The following PHACTR2 variants were observed in gnomAD, a reference collection of about 807,000 sequenced individuals.
PHACTR2 encodes phosphatase and actin regulator 2, also known as chromosome 6 open reading frame 56.
Under a neutral mutation model 76.0 loss-of-function variants are expected in PHACTR2, and 30 were observed. That is an observed-to-expected ratio of 0.39 (90% confidence interval 0.30 to 0.54). PHACTR2 has a LOEUF of 0.54. PHACTR2 is among the 20% of genes least tolerant of loss of function. The probability of loss-of-function intolerance (pLI) is 0.61; values close to 1 mark genes in which losing one functional copy is unlikely to be tolerated. For missense variants in PHACTR2, 696 were observed against 781.1 expected (o/e 0.89, Z 1.30); for synonymous variants, 292 against 292.5 (o/e 1.00, Z 0.02).
rs928673000 is a variant in PHACTR2 at position 143,819,585 on chromosome 6, G to A, written c.1923-4089G>A. 2.0e-5 allele frequency among the ~76,000 whole-genome samples: 3 copies of A among 152,212 alleles called. No homozygotes were observed. The highest frequency in any genetic ancestry group is 4.4e-5 in the Non-Finnish European group (3 of 68,042). ...GCTGGAGGCCTGAGAGCTCGAGGCA[G>A]TGGGGAGTACTGGTGTAAGTTCTGG... On this transcript the variant is annotated intron_variant, in intron 12 of 12. Coordinates refer to ENST00000440869, the MANE Select transcript of PHACTR2 (RefSeq NM_001100164.2). This position sits in a 1 kb window ranked among gnomAD's most constrained non-coding sequence, Gnocchi z 5.0.
At chr6:143,668,421 A>G (rs747420439) in intron 1 of PHACTR2, among the ~76,000 whole-genome samples, 4 of 151,784 alleles carry the variant, frequency 2.6e-5, no homozygotes, top group South Asian at 2.1e-4. Context: ...CTCTTTTTCT[A>G]TTGTTTGGAA....
rs898093670 is a variant in PHACTR2, at chr6:143,617,352, G to C, written c.13+9030G>C. ...CTTCCCTTCCCAACCAGATTTAAAA[G>C]TCTTGAGGGCAGATGCCACATCATA... On this transcript the variant is annotated intron_variant, in intron 1 of 11. Transcript: ENST00000305766. This position sits in a 1 kb window ranked among gnomAD's most constrained non-coding sequence, Gnocchi z 4.8. Among the ~76,000 whole-genome samples, 5 of 152,154 alleles carry C rather than the reference G, an allele frequency of 3.3e-5. No individual in the cohort carries two copies. Among genetic ancestry groups the C allele is most frequent in the Non-Finnish European group, 7.3e-5 (5 of 68,036 alleles).
intron 1 of PHACTR2, among the ~76,000 whole-genome samples, chr6:143,651,650 G>A (rs113827846): frequency 0.011 from 1,713 of 152,068 alleles, 42 homozygotes; most frequent in African/African-American, 0.039. Flanking sequence ...AGAACACATG[G>A]ACACATGGCA....
intron 2 of PHACTR2, among the ~76,000 whole-genome samples, chr6:143,729,909 A>G (rs1396740296): frequency 6.6e-6 from 1 of 152,126 alleles, no homozygotes; most frequent in Non-Finnish European, 1.5e-5. Flanking sequence ...TGTCATGTGT[A>G]AGAAATTTCA....
At chr6:143,717,633 A>C (rs1348904051) in intron 2 of PHACTR2, among the ~76,000 whole-genome samples, 4 of 151,144 alleles carry the variant, frequency 2.6e-5, no homozygotes, top group Admixed American at 2.0e-4. Flanking sequence ...GTGCAGTGGC[A>C]CAATCACAAC....
In PHACTR2 at chr6:143,751,854, C is replaced by A. The variant is rs572606514; in HGVS notation, c.296-1900C>A. Among the ~76,000 whole-genome samples the A allele has an allele frequency of 2.7e-5, 4 of 150,438 alleles. No individual in the cohort carries two copies. The South Asian group carries it at 8.4e-4, about 32-fold the overall frequency. ...ATCAAGGATTTAACTTATTTTAATT[C>A]TAAAACAACTTCCTTAACACTCAAT... On this transcript the variant is annotated intron_variant, in intron 3 of 12. Coordinates refer to ENST00000440869, the MANE Select transcript of PHACTR2 (RefSeq NM_001100164.2). The surrounding 1 kb of genome is among the most constrained non-coding windows in gnomAD (Gnocchi z 5.7).
Position 143,664,507 on chromosome 6 carries a change from G to T in PHACTR2, c.14-47509G>T, listed in dbSNP as rs1777000181. 6.6e-6 allele frequency among the ~76,000 whole-genome samples: 1 copy of T among 152,012 alleles called. No homozygotes were observed. The highest frequency in any genetic ancestry group is 2.4e-5 in the African/African-American group (1 of 41,394). Reference sequence around the variant, plus strand: ...TTTTCTCATTATTTGGATTAGTGAAGCTTTCTTTAATCCCCTTCTTTTGTT... The same window carrying T: ...TTTTCTCATTATTTGGATTAGTGAATCTTTCTTTAATCCCCTTCTTTTGTT... On this transcript the variant is annotated intron_variant, in intron 1 of 11. Coordinates refer to the PHACTR2 transcript ENST00000305766. The surrounding 1 kb of genome is among the most constrained non-coding windows in gnomAD (Gnocchi z 5.1).
At chr6:143,677,223 T>TTA (rs140303375), upstream of PHACTR2, among the ~76,000 whole-genome samples, 7 of 151,652 alleles carry the variant, frequency 4.6e-5, no homozygotes, top group Non-Finnish European at 8.8e-5. Flanking sequence ...TATACACACA[T>TTA]TATATATATA....
At position 143,546,540 on chromosome 6, in the gene PHACTR2, A is replaced by C. The variant is rs1268360347; in HGVS notation, c.217+9333A>C. 6.6e-6 allele frequency among the ~76,000 whole-genome samples: 1 copy of C among 152,126 alleles called. No homozygotes were observed. The highest frequency in any genetic ancestry group is 1.9e-4 in the East Asian group (1 of 5,196). On this transcript the variant is annotated intron_variant, in intron 1 of 11. Transcript: ENST00000367584. This position sits in a 1 kb window ranked among gnomAD's most constrained non-coding sequence, Gnocchi z 4.9. ...ATTTATGATCTTTTTTGTTTTATGTATATTTTCACCTACCTGAATGTTTGG... is the reference window on the plus strand; with the variant it reads ...ATTTATGATCTTTTTTGTTTTATGTCTATTTTCACCTACCTGAATGTTTGG...
At chr6:143,540,046 C>T (rs759466808) in intron 1 of PHACTR2, among the ~76,000 whole-genome samples, 3 of 152,146 alleles carry the variant, frequency 2.0e-5, no homozygotes, top group African/African-American at 7.2e-5. Context: ...CTTGTGATAC[C>T]GTGATACAAG....
At chr6:143,605,515 G>A (rs1426223057), upstream of PHACTR2, among the ~76,000 whole-genome samples, 1 of 151,954 alleles carries the variant, frequency 6.6e-6, no homozygotes, top group Non-Finnish European at 1.5e-5. The surrounding 1 kb of genome is among the most constrained non-coding windows in gnomAD (Gnocchi z 5.0). Context: ...GCTTTTTCAC[G>A]GTTGCATTGC....
At chr6:143,701,312 C>G (rs1026766417) in intron 1 of PHACTR2, among the ~76,000 whole-genome samples, 1 of 152,168 alleles carries the variant, frequency 6.6e-6, no homozygotes, top group Non-Finnish European at 1.5e-5. Flanking sequence ...GTTAAAAAAA[C>G]AAGTTTAAAA....
rs140712375 is a variant in PHACTR2 at position 143,669,581 on chromosome 6, G to A, written c.14-42435G>A. Among the ~76,000 whole-genome samples the A allele has an allele frequency of 4.1e-3, 621 of 152,264 alleles. 1 individual carries two copies. Among genetic ancestry groups the A allele is most frequent in the Admixed American group, 7.3e-3 (112 of 15,288 alleles). ...CTATATTTTGTGCATATATATTTAG[G>A]ATAGTTAATTCTTCTTGTTGCATCG... On this transcript the variant is annotated intron_variant, in intron 1 of 11. Coordinates refer to the PHACTR2 transcript ENST00000305766.
rs907907091 is a variant in PHACTR2 at position 143,684,182 on chromosome 6, C to G, written c.46+5973C>G. Among the ~76,000 whole-genome samples the G allele has an allele frequency of 1.3e-5, 2 of 152,120 alleles. No homozygotes were observed. Among genetic ancestry groups the G allele is most frequent in the African/African-American group, 2.4e-5 (1 of 41,422 alleles). On this transcript the variant is annotated intron_variant, in intron 1 of 12. Transcript: ENST00000440869. The surrounding 1 kb of genome is among the most constrained non-coding windows in gnomAD (Gnocchi z 4.3). The stretch of plus-strand genomic sequence containing the variant: ...ACTCCAGGCTCAAATATGCAACTCC[C>G]TATTTGACAGGTCTGCTTGAAAACT...
intron 1 of PHACTR2, among the ~76,000 whole-genome samples, chr6:143,687,466 G>T (rs1261982966): frequency 6.6e-6 from 1 of 152,142 alleles, no homozygotes; most frequent in Non-Finnish European, 1.5e-5. Context: ...AATATTTAGT[G>T]AAGACTCAAC....
chr6:143,721,768 A>G (rs13219037), intron 2 of PHACTR2, among the ~76,000 whole-genome samples: 15,339 of 152,018 alleles, frequency 0.1, 860 homozygotes, highest in South Asian at 0.16. Flanking sequence ...GTTTCTCACC[A>G]CAGGAGTGTA....
rs998914497 is a variant in PHACTR2 at position 143,688,839 on chromosome 6, A to G, written c.46+10630A>G. On this transcript the variant is annotated intron_variant, in intron 1 of 12. Transcript: ENST00000440869. The surrounding 1 kb of genome is among the most constrained non-coding windows in gnomAD (Gnocchi z 5.2). ...GCAATTCATTTTCCACAGAACAGCT[A>G]AAGTAATTTCTTAAAGCATAAATCA... Among the ~76,000 whole-genome samples, 1 of 152,190 alleles carries G rather than the reference A, an allele frequency of 6.6e-6. No individual in the cohort carries two copies. The highest frequency in any genetic ancestry group is 2.1e-4 in the South Asian group (1 of 4,830).
rs1159446570 is a variant in PHACTR2, at chr6:143,564,211, ATATATATATATATATATATATATATG to A, written c.217+27008_217+27033del. 2.2e-4 allele frequency among the ~76,000 whole-genome samples: 24 copies of A among 108,314 alleles called. 3 individuals are homozygous for A. Among genetic ancestry groups the A allele is most frequent in the Non-Finnish European group, 2.7e-4 (14 of 50,912 alleles). The allele number at this position is 108,314 out of a possible 152,430, so 71.1% of individuals were successfully genotyped here. A position where few individuals can be genotyped will look rare whatever the true frequency, so the allele number is the denominator to read the frequency against. On this transcript the variant is annotated intron_variant, in intron 1 of 11. Coordinates refer to the PHACTR2 transcript ENST00000367584. ...TGTGTGTGTGCATATATATATATATATATATATATATATATATATATATATGTATGCCACTGCACTCTAACCTTGGC... is the reference window on the plus strand; with the variant it reads ...TGTGTGTGTGCATATATATATATATATATGCCACTGCACTCTAACCTTGGC...
rs1779578544 is a variant in PHACTR2 at position 143,767,059 on chromosome 6, C to G, written c.1232+1261C>G. Among the ~76,000 whole-genome samples, 1 of 152,166 alleles carries G rather than the reference C, an allele frequency of 6.6e-6. No homozygotes were observed. Among genetic ancestry groups the G allele is most frequent in the South Asian group, 2.1e-4 (1 of 4,832 alleles). ...AATTAGGTTGGTTTTGGTCAAGAAA[C>G]TAAAATATCAACTTTAATTCTTTAA... is the stretch of plus-strand genomic sequence containing the variant. On this transcript the variant is annotated intron_variant, in intron 6 of 12. Coordinates refer to ENST00000440869, the MANE Select transcript of PHACTR2 (RefSeq NM_001100164.2). The surrounding 1 kb of genome is among the most constrained non-coding windows in gnomAD (Gnocchi z 4.4).
Sources: allele counts gnomAD v4.1 joint callset (sites outside exome capture counted in the v4.1 genomes callset), GRCh38; gene constraint gnomAD v4.1.1; non-coding constraint Gnocchi (gnomAD v3.1); transcripts MANE v1.5; gene names NCBI Gene and HGNC (gene_info 2026-07-23, HGNC 2026-07-21).